SYTL3: variants seen among roughly 807,000 people sequenced by gnomAD.
SYTL3 encodes synaptotagmin-like protein 3.
SYTL3 carries 88 observed loss-of-function variants against 82.1 expected under a neutral mutation model. The observed-to-expected ratio is 1.07, with a 90% CI of 0.90 to 1.28. The LOEUF (loss-of-function observed/expected upper bound fraction) is 1.28, where lower values mean the gene tolerates loss of function less well. SYTL3 is among the 50% of genes most tolerant of loss of function. The pLI is 0.00. For missense variants in SYTL3, 831 were observed against 757.6 expected (o/e 1.10, Z -1.14); for synonymous variants, 311 against 289.4 (o/e 1.07, Z -0.76).
At chr6:158,657,345 G>A (rs1788795937) in intron 2 of SYTL3, among the ~76,000 whole-genome samples, 1 of 147,200 alleles carries the variant, frequency 6.8e-6, no homozygotes, top group South Asian at 2.1e-4. Flanking sequence ...AGAATCGCTG[G>A]AACCTGGGAG....
chr6:158,706,915 A>G (rs1782164650), intron 6 of SYTL3, among the ~76,000 whole-genome samples: 1 of 152,250 alleles, frequency 6.6e-6, no homozygotes, highest in African/African-American at 2.4e-5. Flanking sequence ...AACTTTTAAT[A>G]AAAGTAGTCA....
intron 2 of SYTL3, among the ~76,000 whole-genome samples, chr6:158,652,331 CT>C (rs1337330096): frequency 1.3e-5 from 2 of 152,144 alleles, no homozygotes; most frequent in African/African-American, 4.8e-5. Context: ...TCACTGCAAG[CT>C]CTGCCTCCCG....
At chr6:158,669,814 C>G (rs184177129) in intron 5 of SYTL3, among the ~76,000 whole-genome samples, 1 of 152,182 alleles carries the variant, frequency 6.6e-6, no homozygotes, top group Non-Finnish European at 1.5e-5. Flanking sequence ...TGGTCATCCA[C>G]GAGGTCATGG....
chr6:158,752,516 C>T (rs1301263629), intron 13 of SYTL3, among the ~76,000 whole-genome samples: 1 of 152,134 alleles, frequency 6.6e-6, no homozygotes, highest in Non-Finnish European at 1.5e-5. Flanking sequence ...TATGAAAAAT[C>T]TTACAAAGGA....
At chr6:158,689,676 CAG>C (rs1175568459) in intron 6 of SYTL3, among the ~76,000 whole-genome samples, 2 of 150,126 alleles carry the variant, frequency 1.3e-5, no homozygotes, top group East Asian at 1.9e-4. Flanking sequence ...CCCCTTGAGA[CAG>C]AGTCTCACTC....
At chr6:158,760,856 C>T in intron 15 of SYTL3, 111 bp downstream of exon 15, 1 of 787,704 alleles carries the variant, frequency 1.3e-6, no homozygotes, top group South Asian at 1.5e-5. Context: ...TTTCTACGTC[C>T]CCGTGCCCAG....
At chr6:158,707,937 C>A (rs150075607) in intron 7 of SYTL3, among the ~76,000 whole-genome samples, 199 of 152,276 alleles carry the variant, frequency 1.3e-3, no homozygotes, top group Non-Finnish European at 2.1e-3. Context: ...GTGGTTGATT[C>A]TCACATCCAC....
chr6:158,721,062 A>AGGGGAGACGGT (rs1164731613), intron 10 of SYTL3, among the ~76,000 whole-genome samples: 4 of 152,166 alleles, frequency 2.6e-5, no homozygotes, highest in African/African-American at 4.8e-5. Context: ...GGTGGGGTGC[A>AGGGGAGACGGT]GGGGAGACGG....
At chr6:158,750,500 G>T (rs1788257864) in intron 12 of SYTL3, among the ~76,000 whole-genome samples, 2 of 152,142 alleles carry the variant, frequency 1.3e-5, no homozygotes, top group Admixed American at 1.3e-4. Flanking sequence ...ATTAGAGATG[G>T]AGTTTTGAGG....
At position 158,757,441 on chromosome 6, in the gene SYTL3, T is replaced by A. The variant is rs1267110844; in HGVS notation, c.1308+60T>A. 2.6e-6 allele frequency: 4 copies of A among 1,557,796 alleles called. No individual in the cohort carries two copies. In the African/African-American group the frequency reaches 5.4e-5, roughly 21 times the overall value. On this transcript the variant is annotated intron_variant, in intron 14 of 17. Transcript: ENST00000611299. ...CCCACTGTGATAGATAAATAACTTT[T>A]CAGAGAGATCCCAGAAGAGAAAACG...
intron 4 of SYTL3, chr6:158,663,593 C>T (rs958907293): frequency 1.2e-5 from 12 of 985,112 alleles, no homozygotes; most frequent in Admixed American, 6.2e-5. Flanking sequence ...GGAGGCCGCT[C>T]TTGTTATTCA....
At chr6:158,716,789 A>G (rs1783477855) in intron 9 of SYTL3, among the ~76,000 whole-genome samples, 1 of 152,206 alleles carries the variant, frequency 6.6e-6, no homozygotes, top group Admixed American at 6.5e-5. Context: ...GTCAAGAGCC[A>G]CAGTGTCCAT....
At chr6:158,710,833 T>C (rs766571752) in intron 8 of SYTL3, among the ~76,000 whole-genome samples, 2 of 150,762 alleles carry the variant, frequency 1.3e-5, no homozygotes, top group African/African-American at 2.4e-5. Context: ...CAGGCTGGAG[T>C]GCAATGGCGC....
upstream of SYTL3, among the ~76,000 whole-genome samples, chr6:158,647,957 C>T (rs1242044055): frequency 6.6e-6 from 1 of 152,186 alleles, no homozygotes; most frequent in Non-Finnish European, 1.5e-5. Context: ...GCCTAATAAT[C>T]ATAGCAATCA....
chr6:158,731,107 A>ACC (rs1785346057), intron 11 of SYTL3, among the ~76,000 whole-genome samples: 3 of 152,162 alleles, frequency 2.0e-5, no homozygotes, highest in Non-Finnish European at 4.4e-5. Context: ...ACAAAGTGAA[A>ACC]CCATGTCTCT....
chr6:158,741,256 G>A (rs918676202), intron 11 of SYTL3, among the ~76,000 whole-genome samples: 5 of 152,112 alleles, frequency 3.3e-5, no homozygotes, highest in African/African-American at 1.2e-4. Flanking sequence ...TTTTAGTAGA[G>A]ACAGGGTTTC....
At chr6:158,731,966 A>G (rs1323150506) in intron 11 of SYTL3, among the ~76,000 whole-genome samples, 4 of 152,220 alleles carry the variant, frequency 2.6e-5, no homozygotes, top group Admixed American at 6.5e-5. Flanking sequence ...AAAGATTTAC[A>G]TAACCAAAAA....
intron 6 of SYTL3, among the ~76,000 whole-genome samples, chr6:158,697,924 G>A (rs1462886185): frequency 1.1e-4 from 17 of 152,182 alleles, no homozygotes; most frequent in Non-Finnish European, 1.5e-5. Context: ...GCAGAAGGAT[G>A]CTGGATAGGG....
At chr6:158,668,030 G>A (rs1350810820) in intron 5 of SYTL3, among the ~76,000 whole-genome samples, 1 of 152,212 alleles carries the variant, frequency 6.6e-6, no homozygotes, top group East Asian at 1.9e-4. Flanking sequence ...AAACAATCGT[G>A]TGGGGTAGCT....
Sources: allele counts gnomAD v4.1 joint callset (sites outside exome capture counted in the v4.1 genomes callset), GRCh38; gene constraint gnomAD v4.1.1; transcripts MANE v1.5; gene names NCBI Gene and HGNC (gene_info 2026-07-23, HGNC 2026-07-21).